The following UNC13C variants were observed in gnomAD, a reference collection of about 807,000 sequenced individuals.
The protein encoded by UNC13C is protein unc-13 homolog C.
In UNC13C, 174 loss-of-function variants were observed where a neutral mutation model predicts 245.4. The ratio of observed to expected loss-of-function variants is 0.71; its 90% CI spans 0.63 to 0.80. UNC13C has a LOEUF of 0.80. Ranked by LOEUF, UNC13C falls within the 30% of genes least tolerant of loss-of-function variation. The pLI is 0.00. For synonymous variants in UNC13C, 992 were observed against 895.1 expected (o/e 1.11, Z -1.93); for missense variants, 2,829 against 2,602.9 (o/e 1.09, Z -1.89).
chr15:54,445,394 T>A (rs1403275419), intron 19 of UNC13C, among the ~76,000 whole-genome samples: 2 of 152,176 alleles, frequency 1.3e-5, no homozygotes, highest in South Asian at 4.1e-4. Context: ...TCTACAATGG[T>A]TGAACTAGTT....
chr15:53,839,188 C>T, the UNC13C span, among the ~76,000 whole-genome samples: 4 of 151,892 alleles, frequency 2.6e-5, no homozygotes. Flanking sequence ...CTCCCAGCAA[C>T]ATGTTTACTA....
At position 54,013,398 on chromosome 15, in the gene UNC13C, C is replaced by A; in HGVS notation, c.495C>A (p.Gly165=). The change falls in exon 2 of 33, where the codon GGC becomes GGA. Residue 165 remains glycine, a synonymous_variant. Transcript: ENST00000260323. ...CAAGCAGCCTTGCACCCTCTGAGGGCAGCTCTGACGGGGAGCGTACTCTAC... is the reference window on the plus strand; with the variant it reads ...CAAGCAGCCTTGCACCCTCTGAGGGAAGCTCTGACGGGGAGCGTACTCTAC... ...KSSSSLAPSE[G]SSDGERTLHG... is the part of the protein sequence containing the mutation. The A allele has an allele frequency of 1.1e-5, 18 of 1,613,870 alleles. No homozygotes were observed. Among genetic ancestry groups the A allele is most frequent in the Non-Finnish European group, 1.5e-5 (18 of 1,179,864 alleles).
intron 17 of UNC13C, among the ~76,000 whole-genome samples, chr15:54,360,407 G>A (rs2039203818): frequency 6.6e-6 from 1 of 151,992 alleles, no homozygotes. Flanking sequence ...GAGTACTGAA[G>A]TAATCTACTA....
At chr15:54,108,442 C>G (rs142755337) in intron 2 of UNC13C, among the ~76,000 whole-genome samples, 1 of 152,124 alleles carries the variant, frequency 6.6e-6, no homozygotes, top group Admixed American at 6.5e-5. Flanking sequence ...CCGCTTTGGC[C>G]TCTCAAAGTG....
rs183859167 is a variant in UNC13C, at chr15:54,031,101, C to T, written c.2983+15215C>T. Among the ~76,000 whole-genome samples, 693 of 152,132 alleles carry T rather than the reference C, an allele frequency of 4.6e-3. 6 individuals are homozygous for T. Among genetic ancestry groups the T allele is most frequent in the Non-Finnish European group, 5.5e-3 (373 of 68,004 alleles). The stretch of plus-strand genomic sequence containing the variant: ...TCATCCCCTGACCTTCCTTTCATTG[C>T]TTTGTAGAATGAGTGATATTTATCG... On this transcript the variant is annotated intron_variant, in intron 2 of 32. Coordinates refer to ENST00000260323, the MANE Select transcript of UNC13C (RefSeq NM_001080534.3).
intron 17 of UNC13C, among the ~76,000 whole-genome samples, chr15:54,391,702 T>A (rs772616996): frequency 4.6e-5 from 7 of 152,138 alleles, no homozygotes; most frequent in Non-Finnish European, 1.0e-4. Flanking sequence ...TTTTAACATC[T>A]GTTGCATTTC....
At chr15:54,400,908 A>G (rs2040168706) in intron 18 of UNC13C, among the ~76,000 whole-genome samples, 1 of 152,164 alleles carries the variant, frequency 6.6e-6, no homozygotes, top group South Asian at 2.1e-4. Context: ...TGGCACATAT[A>G]CAGCATGGAA....
the UNC13C span, among the ~76,000 whole-genome samples, chr15:53,963,629 C>G: frequency 1.3e-5 from 2 of 152,092 alleles, no homozygotes; most frequent in Non-Finnish European, 2.9e-5. Flanking sequence ...ACAGTAGACA[C>G]TGAAAAATAA....
chr15:53,896,387 C>T, the UNC13C span, among the ~76,000 whole-genome samples: 1 of 152,084 alleles, frequency 6.6e-6, no homozygotes, highest in African/African-American at 2.4e-5. Flanking sequence ...CTGTGCTCTT[C>T]TGGTTCAATT....
chr15:54,487,807 G>T (rs1451668144), intron 19 of UNC13C, among the ~76,000 whole-genome samples: 3 of 136,298 alleles, frequency 2.2e-5, no homozygotes, highest in Non-Finnish European at 4.7e-5. Flanking sequence ...AGAGAGAAAA[G>T]AAATTTGATT....
chr15:54,194,740 A>G (rs563130759), intron 4 of UNC13C, among the ~76,000 whole-genome samples: 1 of 152,160 alleles, frequency 6.6e-6, no homozygotes, highest in Non-Finnish European at 1.5e-5. Flanking sequence ...ATAAGAAAGG[A>G]CATTATCTGA....
intron 2 of UNC13C, among the ~76,000 whole-genome samples, chr15:54,026,966 T>G (rs1052646218): frequency 6.6e-6 from 1 of 152,140 alleles, no homozygotes; most frequent in African/African-American, 2.4e-5. Flanking sequence ...ATAATGGCTG[T>G]AGAAGAAAAT....
chr15:54,447,804 GC>G (rs906199925), intron 19 of UNC13C, among the ~76,000 whole-genome samples: 17 of 152,114 alleles, frequency 1.1e-4, no homozygotes, highest in African/African-American at 4.1e-4. Flanking sequence ...GTTATTTCTT[GC>G]CTTCTGCTAG....
intron 2 of UNC13C, among the ~76,000 whole-genome samples, chr15:54,029,468 GATACTCATATT>G (rs1321803980): frequency 6.6e-6 from 1 of 152,174 alleles, no homozygotes; most frequent in Non-Finnish European, 1.5e-5. Flanking sequence ...CATTGTAGCT[GATACTCATATT>G]ATCATTCAAT....
At chr15:54,395,347 T>C (rs2040047966) in intron 18 of UNC13C, among the ~76,000 whole-genome samples, 1 of 151,806 alleles carries the variant, frequency 6.6e-6, no homozygotes, top group Admixed American at 6.6e-5. Flanking sequence ...ATCTCCTTGG[T>C]TACCTAAACT....
chr15:54,621,540 G>A (rs937885945), intron 30 of UNC13C, among the ~76,000 whole-genome samples: 1 of 152,062 alleles, frequency 6.6e-6, no homozygotes, highest in African/African-American at 2.4e-5. Context: ...TACATTTTTA[G>A]GTGAAAAGAT....
chr15:53,999,090 T>G (rs1025523318), intron 1 of UNC13C, among the ~76,000 whole-genome samples: 2 of 152,048 alleles, frequency 1.3e-5, no homozygotes, highest in Non-Finnish European at 2.9e-5. Flanking sequence ...TGTCAAATTT[T>G]GAAATCATGG....
chr15:54,073,925 T>G (rs1162563504), intron 2 of UNC13C, among the ~76,000 whole-genome samples: 1 of 152,030 alleles, frequency 6.6e-6, no homozygotes, highest in South Asian at 2.1e-4. Context: ...GCCGTTGTTT[T>G]TGGTGTTTTA....
intron 17 of UNC13C, among the ~76,000 whole-genome samples, chr15:54,383,880 C>CA (rs1339789649): frequency 6.6e-6 from 1 of 151,256 alleles, no homozygotes; most frequent in Non-Finnish European, 1.5e-5. Flanking sequence ...ATGGCATAGC[C>CA]AAAAAAGAAA....
Sources: gnomAD v4.1 joint callset for allele counts (sites outside exome capture counted in the v4.1 genomes callset) on GRCh38, gnomAD v4.1.1 for gene constraint, MANE v1.5 for transcripts, NCBI Gene and HGNC (gene_info 2026-07-23, HGNC 2026-07-21) for gene names.